The following ZFHX3 variants were observed in gnomAD, a reference collection of about 807,000 sequenced individuals.
ZFHX3 encodes zinc finger homeobox 3.
In ZFHX3, 42 loss-of-function variants were observed where a neutral mutation model predicts 279.1. The observed-to-expected ratio is 0.15, with a 90% CI of 0.12 to 0.19. The LOEUF (loss-of-function observed/expected upper bound fraction) is 0.19. Ranked by LOEUF, ZFHX3 falls within the 10% of genes least tolerant of loss-of-function variation. The probability of loss-of-function intolerance (pLI) is 1.00; values close to 1 mark genes in which losing one functional copy is unlikely to be tolerated. For missense variants in ZFHX3, 4,981 were observed against 4,754.0 expected, an observed-to-expected ratio of 1.05 and a Z score of -1.40; for synonymous variants, 2,293 against 1,957.8, an observed-to-expected ratio of 1.17 and a Z score of -4.52.
chr16:73,217,208 G>A (rs2012244076), intron 5 of ZFHX3, among the ~76,000 whole-genome samples: 1 of 152,218 alleles, frequency 6.6e-6, no homozygotes, highest in African/African-American at 2.4e-5. Flanking sequence ...AAGGCTCCAT[G>A]TCATTTCCAG....
intron 6 of ZFHX3, among the ~76,000 whole-genome samples, chr16:73,135,283 A>C (rs548421448): frequency 1.3e-5 from 2 of 152,222 alleles, no homozygotes; most frequent in Non-Finnish European, 2.9e-5. Flanking sequence ...TGCCTAGCTC[A>C]GTACACACCG....
intron 1 of ZFHX3, among the ~76,000 whole-genome samples, chr16:73,807,532 G>A (rs1266578994): frequency 6.6e-6 from 1 of 151,324 alleles, no homozygotes. Context: ...ATAGCTCACT[G>A]CAGCCTCCAT....
chr16:73,160,772 CT>C lies in ZFHX3; in HGVS notation c.-1103-16942del, dbSNP rs200196890. On this transcript the variant is annotated intron_variant, in intron 5 of 17. Transcript: ENST00000641206. ...CATGCTTATTCTTTTCTTTTCTCTT[CT>C]TTTTTTTTTTTTTTTTTTAGACAGG... Among the ~76,000 whole-genome samples, 1,051 of 127,942 alleles carry C rather than the reference CT, an allele frequency of 8.2e-3. 9 individuals carry two copies. Among genetic ancestry groups the C allele is most frequent in the East Asian group, 0.061 (271 of 4,418 alleles). 83.9% of individuals were successfully genotyped at this position (127,942 alleles called of 152,430 possible). A position where few individuals can be genotyped will look rare whatever the true frequency, so the allele number is the denominator to read the frequency against.
At chr16:73,502,594 G>C (rs900966272) in intron 2 of ZFHX3, among the ~76,000 whole-genome samples, 9 of 152,216 alleles carry the variant, frequency 5.9e-5, no homozygotes, top group Admixed American at 2.0e-4. Context: ...AAAGATGGTA[G>C]ACAGTACGGA....
intron 2 of ZFHX3, among the ~76,000 whole-genome samples, chr16:73,527,138 G>A (rs1480588872): frequency 6.6e-6 from 1 of 152,030 alleles, no homozygotes; most frequent in Non-Finnish European, 1.5e-5. Context: ...GCTCCAGCCT[G>A]GCTGCTCGTT....
intron 1 of ZFHX3, among the ~76,000 whole-genome samples, chr16:72,974,110 G>C (rs1962234775): frequency 6.6e-6 from 1 of 152,154 alleles, no homozygotes; most frequent in African/African-American, 2.4e-5. Context: ...AAATGAACTT[G>C]GTCAGATTCT....
At chr16:73,383,855 C>T (rs1199895719) in intron 3 of ZFHX3, among the ~76,000 whole-genome samples, 2 of 152,208 alleles carry the variant, frequency 1.3e-5, no homozygotes, top group Non-Finnish European at 2.9e-5. Context: ...AGCGGTGCCT[C>T]GTGCTCTGCA....
chr16:73,807,926 G>C (rs1011858599), intron 1 of ZFHX3, among the ~76,000 whole-genome samples: 5 of 152,024 alleles, frequency 3.3e-5, no homozygotes, highest in African/African-American at 1.2e-4. Flanking sequence ...AAATCCTCAT[G>C]AACTTGGTAC....
intron 1 of ZFHX3, among the ~76,000 whole-genome samples, chr16:73,772,444 C>T (rs1196179864): frequency 6.6e-6 from 1 of 152,178 alleles, no homozygotes; most frequent in Non-Finnish European, 1.5e-5. Flanking sequence ...AGGCCTGCCC[C>T]CATGATTCAG....
At chr16:72,991,829 G>A (rs1963107030) in intron 1 of ZFHX3, among the ~76,000 whole-genome samples, 1 of 152,122 alleles carries the variant, frequency 6.6e-6, no homozygotes, top group Admixed American at 6.5e-5. Context: ...GGTTCCAGGT[G>A]GGAGTGGGTG....
intron 1 of ZFHX3, among the ~76,000 whole-genome samples, chr16:73,786,898 G>A (rs1192529900): frequency 6.6e-6 from 1 of 152,076 alleles, no homozygotes. Context: ...AATAGCTGAG[G>A]TTTTCATGTT....
intron 5 of ZFHX3, among the ~76,000 whole-genome samples, chr16:73,226,546 G>C (rs1041384103): frequency 6.6e-6 from 1 of 152,216 alleles, no homozygotes; most frequent in Non-Finnish European, 1.5e-5. Context: ...TATGTGTCTC[G>C]GCCTTGGCCT....
intron 5 of ZFHX3, among the ~76,000 whole-genome samples, chr16:73,235,308 A>C (rs1319536089): frequency 6.6e-6 from 1 of 152,154 alleles, no homozygotes; most frequent in Non-Finnish European, 1.5e-5. Context: ...TGACCTCATC[A>C]TCCTCCTGCC....
In ZFHX3 at chr16:73,381,364, GA is replaced by G. The variant is rs1567466584; in HGVS notation, c.-1290-63029del. On this transcript the variant is annotated intron_variant, in intron 3 of 17. Coordinates refer to the ZFHX3 transcript ENST00000641206. The stretch of plus-strand genomic sequence containing the variant: ...TTTCATGAATAGCTATGAAAAGCAT[GA>G]AAAATAAAAATTGTGATGAGGGATA... 3.9e-5 allele frequency among the ~76,000 whole-genome samples: 6 copies of G among 152,112 alleles called. No individual in the cohort carries two copies. The South Asian group carries it at 1.2e-3, about 32-fold the overall frequency.
chr16:72,794,245 A>G lies in ZFHX3; in HGVS notation c.8437T>C (p.Phe2813Leu), dbSNP rs372611954. 4 of 1,614,188 alleles carry G rather than the reference A, an allele frequency of 2.5e-6. No homozygotes were observed. Among genetic ancestry groups the G allele is most frequent in the Middle Eastern group, 1.6e-4 (1 of 6,062 alleles). ...ACTGAGGACATGGAGGGGCTTTCAA[A>G]GTCTTCAATCCCTTCCACCTTAATG... ...SSIKVEGIEDFESPSMSSVNL... is the reference protein window; with the variant it reads ...SSIKVEGIEDLESPSMSSVNL... The change falls in exon 9 of 10, where the codon TTT becomes CTT. Residue 2813 changes from phenylalanine to leucine, a missense_variant. Transcript: ENST00000268489. The surrounding 1 kb of genome is among the most constrained non-coding windows in gnomAD (Gnocchi z 4.2).
intron 5 of ZFHX3, among the ~76,000 whole-genome samples, chr16:72,829,352 A>C (rs1302200976): frequency 6.6e-6 from 1 of 152,086 alleles, no homozygotes; most frequent in Admixed American, 6.6e-5. Context: ...ACCCTGATCA[A>C]GTTCCACATG....
At chr16:73,051,073 A>AAGATACAGTGGATGTC (rs771434753), upstream of ZFHX3, among the ~76,000 whole-genome samples, 404 of 152,298 alleles carry the variant, frequency 2.7e-3, 1 homozygote, top group Non-Finnish European at 2.3e-3. Context: ...TATGATCTCT[A>AAGATACAGTGGATGTC]AGATACAGTG....
intron 1 of ZFHX3, among the ~76,000 whole-genome samples, chr16:73,858,787 T>C (rs1431353348): frequency 6.6e-6 from 1 of 152,166 alleles, no homozygotes; most frequent in Non-Finnish European, 1.5e-5. Flanking sequence ...GTAGATCATA[T>C]CATGATGATG....
At chr16:73,403,864 G>A (rs755472725) in intron 3 of ZFHX3, among the ~76,000 whole-genome samples, 6 of 152,118 alleles carry the variant, frequency 3.9e-5, no homozygotes, top group Non-Finnish European at 7.3e-5. Context: ...CGGCAAATTT[G>A]CCAAATGTGC....
Sources: gnomAD v4.1 joint callset for allele counts (sites outside exome capture counted in the v4.1 genomes callset) on GRCh38, gnomAD v4.1.1 for gene constraint, Gnocchi (gnomAD v3.1) non-coding constraint, MANE v1.5 for transcripts, NCBI Gene and HGNC (gene_info 2026-07-23, HGNC 2026-07-21) for gene names.